The following FRMPD4 variants were observed in gnomAD, a reference collection of about 807,000 sequenced individuals.
FRMPD4 encodes FERM and PDZ domain containing 4, also known as FERM and PDZ domain-containing protein 4.
Under a neutral mutation model 94.1 loss-of-function variants are expected in FRMPD4, and 22 were observed. The observed-to-expected ratio is 0.23, with a 90% CI of 0.17 to 0.33. FRMPD4 has a LOEUF of 0.33. Among genes scored for constraint, FRMPD4 ranks in the 10% least tolerant of loss-of-function variants. The pLI is 1.00. For synonymous variants in FRMPD4, 631 were observed against 548.6 expected (o/e 1.15, Z -2.10); for missense variants, 1,111 against 1,339.9 (o/e 0.83, Z 2.67).
intron 1 of FRMPD4, among the ~76,000 whole-genome samples, chrX:12,153,020 G>A (rs756538631): frequency 9.8e-6 from 1 of 102,337 alleles, no homozygotes; most frequent in South Asian, 4.6e-4. Context: ...TGCAAGCTCC[G>A]CTTCCCGGGT....
intron 1 of FRMPD4, among the ~76,000 whole-genome samples, chrX:12,356,899 A>G (rs1342209778): frequency 8.9e-6 from 1 of 111,901 alleles, no homozygotes; most frequent in African/African-American, 3.2e-5. Flanking sequence ...GGTTCTCAGA[A>G]TATTCTTCCC....
chrX:12,423,752 C>A (rs1454962101), intron 1 of FRMPD4, among the ~76,000 whole-genome samples: 3 of 112,050 alleles, frequency 2.7e-5, no homozygotes, highest in Non-Finnish European at 5.6e-5. Flanking sequence ...TGCTCTTTAA[C>A]CTTATGCATT....
At chrX:12,525,826 G>C (rs999471604) in intron 2 of FRMPD4, among the ~76,000 whole-genome samples, 1 of 111,892 alleles carries the variant, frequency 8.9e-6, no homozygotes, top group African/African-American at 3.2e-5. Context: ...CCATTCTAGT[G>C]AGAGTGAAGT....
intron 1 of FRMPD4, among the ~76,000 whole-genome samples, chrX:12,436,646 C>T (rs1329315213): frequency 9.0e-6 from 1 of 111,370 alleles, no homozygotes; most frequent in Non-Finnish European, 1.9e-5. Context: ...TAGTATTTTT[C>T]TCTCTTCTTT....
chrX:12,339,182 A>G (rs773562933), intron 1 of FRMPD4, among the ~76,000 whole-genome samples: 114 of 111,431 alleles, frequency 1.0e-3, no homozygotes, highest in African/African-American at 3.7e-3. Context: ...TTAATTCAAC[A>G]TGGTTAAAAT....
At chrX:12,450,974 C>T (rs2057262792) in intron 1 of FRMPD4, among the ~76,000 whole-genome samples, 1 of 108,914 alleles carries the variant, frequency 9.2e-6, no homozygotes, top group African/African-American at 3.3e-5. Context: ...AGGCGAAGTC[C>T]TCACAGTGAA....
chrX:12,051,389 C>A (rs185668974), intron 3 of FRMPD4, among the ~76,000 whole-genome samples: 3 of 111,342 alleles, frequency 2.7e-5, no homozygotes, highest in East Asian at 2.8e-4. Context: ...TTAGATAAAA[C>A]CTTTTATGAT....
chrX:11,992,835 T>C (rs1260044731), intron 3 of FRMPD4, among the ~76,000 whole-genome samples: 2 of 109,720 alleles, frequency 1.8e-5, no homozygotes, highest in Admixed American at 9.7e-5. Flanking sequence ...CAGTTTGCTG[T>C]CTCTTCTTGG....
At chrX:12,511,216 G>A (rs1197299814) in intron 2 of FRMPD4, among the ~76,000 whole-genome samples, 1 of 111,207 alleles carries the variant, frequency 9.0e-6, no homozygotes, top group Admixed American at 9.6e-5. Context: ...CAACAGCAGT[G>A]ACAAATCCCA....
chrX:12,309,669 A>G (rs1170345356), intron 1 of FRMPD4, among the ~76,000 whole-genome samples: 3 of 112,406 alleles, frequency 2.7e-5, no homozygotes, highest in Non-Finnish European at 5.6e-5. Flanking sequence ...TGTTTGTTCA[A>G]TGAATTAAGG....
chrX:12,518,037 C>A (rs1331788825), intron 2 of FRMPD4, among the ~76,000 whole-genome samples: 3 of 112,126 alleles, frequency 2.7e-5, no homozygotes, highest in Non-Finnish European at 5.6e-5. Context: ...TGGGTCCAAA[C>A]CATCCAGTCT....
intron 1 of FRMPD4, among the ~76,000 whole-genome samples, chrX:12,405,108 T>C (rs934148405): frequency 6.3e-5 from 7 of 111,493 alleles, no homozygotes; most frequent in African/African-American, 2.0e-4. Context: ...GACCCTGGCA[T>C]TGGTATTTTT....
chrX:12,538,149 C>T (rs191819437), intron 2 of FRMPD4, among the ~76,000 whole-genome samples: 8 of 111,469 alleles, frequency 7.2e-5, no homozygotes, highest in East Asian at 2.8e-4. Context: ...GCTTTTCCAA[C>T]GGTCTTAGCA....
chrX:12,225,231 T>C (rs2056909156), intron 1 of FRMPD4, among the ~76,000 whole-genome samples: 1 of 112,262 alleles, frequency 8.9e-6, no homozygotes. Flanking sequence ...CCTCCTTAAG[T>C]AAACATTTGA....
rs1394026483 is a variant in FRMPD4 at position 12,638,046 on chromosome X, C to T, written c.422+23165C>T. ...TTATTTTTATATTCTATTTTATGGT[C>T]CATTCTTCTATTGTTTAACGTGAGC... On this transcript the variant is annotated intron_variant, in intron 4 of 16. Transcript: ENST00000675598. 2.7e-5 allele frequency among the ~76,000 whole-genome samples: 3 copies of T among 111,809 alleles called. No homozygotes were observed. The East Asian group carries it at 8.4e-4, about 31-fold the overall frequency.
chrX:12,546,614 T>C (rs978569600), intron 2 of FRMPD4, among the ~76,000 whole-genome samples: 3 of 112,237 alleles, frequency 2.7e-5, no homozygotes, highest in South Asian at 3.7e-4. Flanking sequence ...ATGTTAAAAA[T>C]GGTGGCAAAA....
chrX:12,170,826 C>T (rs902473130), intron 1 of FRMPD4, among the ~76,000 whole-genome samples: 2 of 112,970 alleles, frequency 1.8e-5, no homozygotes, highest in Non-Finnish European at 3.7e-5. Context: ...CTTTCCTGTA[C>T]ATAACATAAA....
intron 1 of FRMPD4, among the ~76,000 whole-genome samples, chrX:12,332,109 A>G (rs866520422): frequency 5.1e-5 from 3 of 58,272 alleles, no homozygotes; most frequent in Admixed American, 2.7e-4. Context: ...AATTTATATT[A>G]TATATAATTT....
chrX:12,329,476 A>G (rs746058082), intron 1 of FRMPD4, among the ~76,000 whole-genome samples: 2 of 111,218 alleles, frequency 1.8e-5, no homozygotes, highest in South Asian at 7.8e-4. Flanking sequence ...CAGGTCAGAG[A>G]AAAACCTTTT....
Sources: gnomAD v4.1 joint callset for allele counts (sites outside exome capture counted in the v4.1 genomes callset) on GRCh38, gnomAD v4.1.1 for gene constraint, MANE v1.5 for transcripts, NCBI Gene and HGNC (gene_info 2026-07-23, HGNC 2026-07-21) for gene names.